P3H3: variants seen among roughly 807,000 people sequenced by gnomAD.
The protein encoded by P3H3 is prolyl 3-hydroxylase 3.
Under a neutral mutation model 78.1 loss-of-function variants are expected in P3H3, and 64 were observed. That is an observed-to-expected ratio of 0.82 (90% CI 0.67 to 1.01). The LOEUF is 1.01. Ranked by LOEUF, P3H3 falls within the 50% of genes least tolerant of loss-of-function variation. The pLI is 0.00. For missense variants in P3H3, 975 were observed against 982.2 expected (o/e 0.99, Z 0.10); for synonymous variants, 425 against 416.7 (o/e 1.02, Z -0.24).
At chr12:6,833,337 G>A (rs1555121691) in intron 6 of P3H3, 1 of 532,500 alleles carries the variant, frequency 1.9e-6, no homozygotes, top group African/African-American at 1.9e-5. Flanking sequence ...GAACTTTAAA[G>A]GATAAATTCC....
At chr12:6,836,870 T>C in intron 9 of P3H3, 115 bp from the exon 10 acceptor site, 2 of 707,198 alleles carry the variant, frequency 2.8e-6, no homozygotes, top group Non-Finnish European at 4.8e-6. Flanking sequence ...ACAACAGAAC[T>C]GTGGGAGCAT....
Position 6,829,761 on chromosome 12 carries a change from A to T in P3H3, c.499-98A>T, listed in dbSNP as rs782560370. 287 of 1,339,638 alleles carry T rather than the reference A, an allele frequency of 2.1e-4. No homozygotes were observed. The African/African-American group carries it at 3.7e-3, about 17-fold the overall frequency. The allele number at this position is 1,339,638 out of a possible 1,614,324, so 83.0% of individuals were successfully genotyped here. A position where few individuals can be genotyped will look rare whatever the true frequency, so the allele number is the denominator to read the frequency against. ...TCTTCCATGAGGCTCTGGGGCACCC[A>T]GAGTGTGTGTCTGGGGTAGGGTGGG... is the stretch of plus-strand genomic sequence containing the variant. On this transcript the variant is annotated intron_variant, in intron 1 of 14. Transcript: ENST00000290510. The surrounding 1 kb of genome is among the most constrained non-coding windows in gnomAD (Gnocchi z 5.1).
chr12:6,833,047 C>T (rs1018780763), intron 6 of P3H3, among the ~76,000 whole-genome samples: 93 of 152,016 alleles, frequency 6.1e-4, no homozygotes, highest in Non-Finnish European at 1.2e-3. Context: ...TGGTGGCGGG[C>T]GCCTATAATC....
At chr12:6,839,168 G>A (rs1555122695) in intron 14 of P3H3, 28 bp downstream of exon 14, 1 of 1,583,414 alleles carries the variant, frequency 6.3e-7, no homozygotes, top group Non-Finnish European at 8.6e-7. Context: ...AAGGGATGTG[G>A]TTCTCCTGGT....
chr12:6,837,329 T>A, intron 10 of P3H3, 94 bp from the exon 11 acceptor site: 1 of 1,497,468 alleles, frequency 6.7e-7, no homozygotes, highest in Non-Finnish European at 9.0e-7. Flanking sequence ...TCCAAACCCA[T>A]GGGTGGAGAG....
At chr12:6,834,075 C>G in intron 9 of P3H3, 26 bp downstream of exon 9, 2 of 1,612,024 alleles carry the variant, frequency 1.2e-6, no homozygotes, top group Non-Finnish European at 1.7e-6. Context: ...AGCTCATCAG[C>G]TCGTTCAAGA....
In P3H3 at chr12:6,837,882, GCAGA is replaced by G. The variant is rs782677984; in HGVS notation, c.1829+36_1829+39del. The G allele has an allele frequency of 2.2e-5, 35 of 1,595,478 alleles. No individual in the cohort carries two copies. The East Asian group carries it at 6.6e-4, about 30-fold the overall frequency. ...GCCCCTCTAGTGGTCAGGCAGGTGG[GCAGA>G]CAAAGGTCATCCCACTGCCGGCCTG... On this transcript the variant is annotated intron_variant, in intron 12 of 14. Coordinates refer to ENST00000290510, the MANE Select transcript of P3H3 (RefSeq NM_014262.5).
rs1555122679 is a variant in P3H3, at chr12:6,839,097, C to T, written c.2003C>T (p.Ala668Val). ...VWAVTRGRRC[A>V]LALWHTWAPE... is the part of the protein sequence containing the mutation. ...GCCGTGACTCGGGGACGGCGCTGTG[C>T]CCTGGCACTGTGGCACACGTGGGCA... Residue 668 changes from alanine (A) to valine (V), a missense_variant, in exon 14 of 15, where the codon GCC becomes GTC. Coordinates refer to ENST00000290510, the MANE Select transcript of P3H3 (RefSeq NM_014262.5). The T allele has an allele frequency of 6.2e-7, 1 of 1,609,592 alleles. No homozygotes were observed. Among genetic ancestry groups the T allele is most frequent in the Non-Finnish European group, 8.5e-7 (1 of 1,179,020 alleles).
intron 2 of P3H3, 112 bp downstream of exon 2, chr12:6,830,123 C>T (rs1197359445): frequency 7.4e-7 from 1 of 1,356,616 alleles, no homozygotes; most frequent in Non-Finnish European, 1.0e-6. Flanking sequence ...GGGTAATGAT[C>T]CTCAGCGACC....
rs781844104 is a variant in P3H3 at position 6,837,784 on chromosome 12, C to T, written c.1764C>T (p.Cys588=). The T allele has an allele frequency of 6.2e-6, 10 of 1,613,408 alleles. No homozygotes were observed. Among genetic ancestry groups the T allele is most frequent in the Middle Eastern group, 1.7e-4 (1 of 6,058 alleles). ...GTCACCCAGTGCACGCAGACAACTGCGTCCTGGACCCTGACACGGGAGAGT... is the reference window on the plus strand; with the variant it reads ...GTCACCCAGTGCACGCAGACAACTGTGTCCTGGACCCTGACACGGGAGAGT... ...DLSHPVHADN[C]VLDPDTGECW... Residue 588 remains cysteine (C), a synonymous_variant, in exon 12 of 15, where the codon TGC becomes TGT. Transcript: ENST00000290510.
rs782496250 is a variant in P3H3, at chr12:6,831,889, A to G, written c.1187A>G (p.His396Arg). 10 of 1,605,586 alleles carry G rather than the reference A, an allele frequency of 6.2e-6. No homozygotes were observed. The South Asian group carries it at 1.0e-4, about 16-fold the overall frequency. ...EKRQLYYAME[H>R]LGTSFKDPDP... The stretch of plus-strand genomic sequence containing the variant: ...AGGCAGCTCTACTATGCCATGGAGC[A>G]CCTGGGGACCAGCTTCAAGGATCCT... Residue 396 changes from histidine to arginine, a missense_variant, in exon 6 of 15, where the codon CAC (histidine) becomes CGC (arginine). By Grantham distance (29) the His-to-Arg change is conservative. Coordinates refer to ENST00000290510, the MANE Select transcript of P3H3 (RefSeq NM_014262.5). The surrounding 1 kb of genome is among the most constrained non-coding windows in gnomAD (Gnocchi z 4.6).
rs989718765 is a variant in P3H3 at position 6,828,804 on chromosome 12, G to A, written c.364G>A (p.Ala122Thr). ...GCTTCTCCGTGCAGCGCTCCGCCGC[G>A]CAGACTGCCTGACCCAGTGCGCAGC... Reference protein sequence around the residue: ...RQLLRAALRRADCLTQCAARR... With the variant: ...RQLLRAALRRTDCLTQCAARR... The change falls in exon 1 of 15, where the codon GCA (alanine) becomes ACA (threonine). Residue 122 changes from alanine (A) to threonine (T), a missense_variant. Coordinates refer to ENST00000290510, the MANE Select transcript of P3H3 (RefSeq NM_014262.5). 17 of 1,235,192 alleles carry A rather than the reference G, an allele frequency of 1.4e-5. No individual in the cohort carries two copies. The highest frequency in any genetic ancestry group is 1.7e-5 in the Non-Finnish European group (17 of 989,310). The allele number at this position is 1,235,192 out of a possible 1,614,324, so 76.5% of individuals were successfully genotyped here.
At position 6,837,502 on chromosome 12, in the gene P3H3, A is replaced by C; in HGVS notation, c.1640A>C (p.Gln547Pro). 6.2e-7 allele frequency: 1 copy of C among 1,611,880 alleles called. No homozygotes were observed. The highest frequency in any genetic ancestry group is 8.5e-7 in the Non-Finnish European group (1 of 1,179,120). ...EVSERVRTLT[Q>P]AYFSPERPLH... ...AGCGAGCGGGTGCGGACCTTGACCC[A>C]GGCCTACTTCTCCCCGGAACGGCCC... Residue 547 changes from glutamine to proline, a missense_variant, in exon 11 of 15, where the codon CAG becomes CCG. By Grantham distance (76) the Gln-to-Pro change is moderately conservative. Transcript: ENST00000290510.
Position 6,830,658 on chromosome 12 carries a change from G to A in P3H3, c.873G>A (p.Leu291=). Residue 291 remains leucine (L), a synonymous_variant, in exon 4 of 15, where the codon CTG becomes CTA. Coordinates refer to ENST00000290510, the MANE Select transcript of P3H3 (RefSeq NM_014262.5). ...CTGCAGGACACTGGATTCAGGTCCT[G>A]CAGTGCCGGCAACGCTGTGTGGGGG... ...EAIAGHWIQV[L]QCRQRCVGET... The A allele has an allele frequency of 2.5e-6, 4 of 1,612,774 alleles. No individual in the cohort carries two copies. Among genetic ancestry groups the A allele is most frequent in the Non-Finnish European group, 3.4e-6 (4 of 1,179,408 alleles).
intron 9 of P3H3, among the ~76,000 whole-genome samples, chr12:6,834,302 T>C (rs1222902985): frequency 6.6e-6 from 1 of 152,172 alleles, no homozygotes; most frequent in Non-Finnish European, 1.5e-5. Flanking sequence ...GGCATAAAAA[T>C]GGATGAGTGT....
chr12:6,833,679 C>G (rs372749192), intron 7 of P3H3, 35 bp downstream of exon 7: 5 of 1,609,208 alleles, frequency 3.1e-6, no homozygotes, highest in Admixed American at 3.3e-5. Context: ...GGGCTTGGCC[C>G]GAGCTGGGAG....
At chr12:6,830,296 C>T in intron 2 of P3H3, 57 bp from the exon 3 acceptor site, 2 of 1,511,910 alleles carry the variant, frequency 1.3e-6, no homozygotes, top group South Asian at 2.4e-5. Flanking sequence ...CTCCTCTCTA[C>T]CTCCCAGTTT....
chr12:6,828,481 TGCC>T lies in P3H3; in HGVS notation c.42_44del (p.Pro17del). On this transcript the variant is annotated inframe_deletion, in exon 1 of 15. Transcript: ENST00000290510. ...CGGCCGCTGCTGCTACTGCTGCTGC[TGCC>T]TCCCCCGGGGTCCCCTGAGCCCCCC... 1 of 1,281,108 alleles carries T rather than the reference TGCC, an allele frequency of 7.8e-7. No homozygotes were observed. The highest frequency in any genetic ancestry group is 1.0e-6 in the Non-Finnish European group (1 of 956,322). The allele number at this position is 1,281,108 out of a possible 1,614,324, so 79.4% of individuals were successfully genotyped here.
intron 11 of P3H3, 28 bp from the exon 12 acceptor site, chr12:6,837,704 G>C: frequency 6.3e-7 from 1 of 1,595,448 alleles, no homozygotes; most frequent in Non-Finnish European, 8.6e-7. Flanking sequence ...GGGGCACAGA[G>C]GTACCCCCAG....
Sources: allele counts gnomAD v4.1 joint callset (sites outside exome capture counted in the v4.1 genomes callset), GRCh38; gene constraint gnomAD v4.1.1; non-coding constraint Gnocchi (gnomAD v3.1); transcripts MANE v1.5; gene names NCBI Gene and HGNC (gene_info 2026-07-23, HGNC 2026-07-21).